Variants in UAP1L1 observed in about 807,000 individuals in gnomAD.
UAP1L1 encodes UDP-N-acetylhexosamine pyrophosphorylase-like protein 1.
Under a neutral mutation model 45.3 loss-of-function variants are expected in UAP1L1, and 45 were observed. The ratio of observed to expected loss-of-function variants is 0.99; its 90% CI spans 0.78 to 1.27. UAP1L1 has a LOEUF of 1.27. Among genes scored for constraint, UAP1L1 ranks in the 50% most tolerant of loss-of-function variants. The pLI, the probability that UAP1L1 is intolerant of heterozygous loss-of-function variation, is 0.00. For synonymous variants in UAP1L1, 323 were observed against 303.9 expected (o/e 1.06, Z -0.65); for missense variants, 667 against 694.0 (o/e 0.96, Z 0.44).
rs1832816465 is a variant in UAP1L1, at chr9:137,083,007, G to A, written c.*278G>A. The A allele has an allele frequency of 2.3e-6, 1 of 442,174 alleles. No individual in the cohort carries two copies. Among genetic ancestry groups the A allele is most frequent in the African/African-American group, 2.0e-5 (1 of 50,582 alleles). 27.4% of individuals were successfully genotyped at this position (442,174 alleles called of 1,614,324 possible). On this transcript the variant is annotated 3_prime_UTR_variant, in exon 9 of 9. Transcript: ENST00000409858. ...GCTCTGTGGCTCCATTCCTGGCTGT[G>A]GGGTCTAGTCAAGAGGCAGAGGGAC...
intron 2 of UAP1L1, 60 bp downstream of exon 2, chr9:137,078,314 C>T (rs1438411372): frequency 5.9e-6 from 9 of 1,514,312 alleles, no homozygotes; most frequent in Admixed American, 4.0e-5. Flanking sequence ...CCCCCACATC[C>T]CCGCTCCAGA....
chr9:137,079,627 A>G, intron 5 of UAP1L1, 178 bp downstream of exon 5: 1 of 628,042 alleles, frequency 1.6e-6, no homozygotes, highest in Non-Finnish European at 2.7e-6. Flanking sequence ...GCAAAGGCAG[A>G]GGTGCTGGAG....
chr9:137,078,302 C>T (rs750090491), intron 2 of UAP1L1, 48 bp downstream of exon 2: 31 of 1,510,308 alleles, frequency 2.1e-5, no homozygotes, highest in Non-Finnish European at 2.7e-5. Flanking sequence ...CTTCCCCACG[C>T]CCCCCCACAT....
In UAP1L1 at chr9:137,080,321, G is replaced by A. The variant is rs139104175; in HGVS notation, c.1178+179G>A. On this transcript the variant is annotated intron_variant, in intron 6 of 8. Coordinates refer to ENST00000409858, the MANE Select transcript of UAP1L1 (RefSeq NM_207309.3). ...TGAGGGTAAGCAGCCCCTGAGGTGG[G>A]GGCATAGGGAGTCCTTGGGGCTGTG... 2,173 of 744,528 alleles carry A rather than the reference G, an allele frequency of 2.9e-3. 25 individuals are homozygous for A. The Middle Eastern group carries it at 0.04, about 14-fold the overall frequency. 46.1% of individuals were successfully genotyped at this position (744,528 alleles called of 1,614,324 possible).
In UAP1L1 at chr9:137,082,873, G is replaced by A; in HGVS notation, c.*144G>A. The A allele has an allele frequency of 1.6e-6, 1 of 641,206 alleles. No individual in the cohort carries two copies. The highest frequency in any genetic ancestry group is 1.8e-5 in the South Asian group (1 of 56,214). The allele number at this position is 641,206 out of a possible 1,614,324, so 39.7% of individuals were successfully genotyped here. ...TGAGCTCTGGGTGGGAAAGCAGCCT[G>A]CCCCATGCTTCCAGCCTGCAGAACA... On this transcript the variant is annotated 3_prime_UTR_variant, in exon 9 of 9. Transcript: ENST00000409858. This position sits in a 1 kb window ranked among gnomAD's most constrained non-coding sequence, Gnocchi z 5.7.
Position 137,079,115 on chromosome 9 carries a change from C to G in UAP1L1, c.810C>G (p.Phe270Leu). The change falls in exon 4 of 9, where the codon TTC becomes TTG. Residue 270 changes from phenylalanine to leucine, a missense_variant. Physicochemically the swap from Phe to Leu is conservative, Grantham distance 22 (BLOSUM62 0). Transcript: ENST00000409858. ...TGGCGGACCCTGTCTTCATCGGCTT[C>G]TGTGTGTTGCAGGGCGCAGACTGTG... ...VRLADPVFIGFCVLQGADCGA... is the reference protein window; with the variant it reads ...VRLADPVFIGLCVLQGADCGA... The G allele has an allele frequency of 6.2e-7, 1 of 1,611,842 alleles. No homozygotes were observed. Among genetic ancestry groups the G allele is most frequent in the South Asian group, 1.1e-5 (1 of 90,954 alleles).
chr9:137,079,037 C>T lies in UAP1L1; in HGVS notation c.732C>T (p.Arg244=). Reference sequence around the variant, plus strand: ...ACAAGATCCTGGAGGACATGGAGCGCCGGGGAGTGGAGTTTGTGCACGTGT... The same window carrying T: ...ACAAGATCCTGGAGGACATGGAGCGTCGGGGAGTGGAGTTTGTGCACGTGT... ...EDHKILEDME[R]RGVEFVHVYC... is the part of the protein sequence containing the mutation. The change falls in exon 4 of 9, where the codon CGC becomes CGT. Residue 244 remains arginine (R), a synonymous_variant. Transcript: ENST00000409858. 1.2e-6 allele frequency: 2 copies of T among 1,607,382 alleles called. No individual in the cohort carries two copies. The highest frequency in any genetic ancestry group is 1.7e-6 in the Non-Finnish European group (2 of 1,178,320).
chr9:137,082,809 C>A lies in UAP1L1; in HGVS notation c.*80C>A. 1 of 1,241,718 alleles carries A rather than the reference C, an allele frequency of 8.1e-7. No homozygotes were observed. The highest frequency in any genetic ancestry group is 1.1e-6 in the Non-Finnish European group (1 of 884,526). The allele number at this position is 1,241,718 out of a possible 1,614,324, so 76.9% of individuals were successfully genotyped here. A position where few individuals can be genotyped will look rare whatever the true frequency, so the allele number is the denominator to read the frequency against. On this transcript the variant is annotated 3_prime_UTR_variant, in exon 9 of 9. Coordinates refer to ENST00000409858, the MANE Select transcript of UAP1L1 (RefSeq NM_207309.3). This position sits in a 1 kb window ranked among gnomAD's most constrained non-coding sequence, Gnocchi z 5.7. ...AAGTCCCGACTCCCCCCAGACCTGCCAGCCCCGGCGTCCTGGAGCTGGGGG... is the reference window on the plus strand; with the variant it reads ...AAGTCCCGACTCCCCCCAGACCTGCAAGCCCCGGCGTCCTGGAGCTGGGGG...
rs2131539067 is a variant in UAP1L1, at chr9:137,077,655, G to T, written c.123G>T (p.Leu41=). The part of the protein sequence containing the change: ...RAALLAELAL[L]EPEALREHCR... ...CGCTGCTGGCGGAGCTGGCGCTGCT[G>T]GAGCCCGAGGCGCTGCGCGAGCACT... Residue 41 remains leucine (L), a synonymous_variant, in exon 1 of 9, where the codon CTG becomes CTT. Coordinates refer to ENST00000409858, the MANE Select transcript of UAP1L1 (RefSeq NM_207309.3). The surrounding 1 kb of genome is among the most constrained non-coding windows in gnomAD (Gnocchi z 4.7). The T allele has an allele frequency of 1.6e-6, 2 of 1,271,770 alleles. No homozygotes were observed. The highest frequency in any genetic ancestry group is 1.8e-5 in the South Asian group (1 of 54,928). The allele number at this position is 1,271,770 out of a possible 1,614,324, so 78.8% of individuals were successfully genotyped here. A position where few individuals can be genotyped will look rare whatever the true frequency, so the allele number is the denominator to read the frequency against.
In UAP1L1 at chr9:137,083,876, A is replaced by G. The variant is rs372910066; in HGVS notation, c.*1147A>G. The G allele has an allele frequency of 5.9e-5, 9 of 152,044 alleles. No individual in the cohort carries two copies. Among genetic ancestry groups the G allele is most frequent in the East Asian group, 1.9e-4 (1 of 5,186 alleles). 9.4% of individuals were successfully genotyped at this position (152,044 alleles called of 1,614,324 possible). On this transcript the variant is annotated 3_prime_UTR_variant, in exon 9 of 9. Transcript: ENST00000409858. ...AGTCCCCAGTGGAGGGCCACTACTC[A>G]TCCCCATTGGTTTCCCAGGGGAGGG...
intron 5 of UAP1L1, 127 bp downstream of exon 5, chr9:137,079,576 G>C: frequency 1.1e-6 from 1 of 907,168 alleles, no homozygotes; most frequent in Non-Finnish European, 1.6e-6. Context: ...CTGTGGTCAG[G>C]CACGGCTGAT....
In UAP1L1 at chr9:137,080,150, G is replaced by T; in HGVS notation, c.1178+8G>T. ...TGTGTTCCGGTTTGCTAAGTTAGTAGTAGAACTCATTTATTTTCCCCTTCT... is the reference window on the plus strand; with the variant it reads ...TGTGTTCCGGTTTGCTAAGTTAGTATTAGAACTCATTTATTTTCCCCTTCT... On this transcript the variant is annotated splice_region_variant and intron_variant, in intron 6 of 8. Transcript: ENST00000409858. 1 of 1,613,714 alleles carries T rather than the reference G, an allele frequency of 6.2e-7. No homozygotes were observed. Among genetic ancestry groups the T allele is most frequent in the Non-Finnish European group, 8.5e-7 (1 of 1,179,688 alleles).
rs1157816862 is a variant in UAP1L1, at chr9:137,079,015, A to G, written c.710A>G (p.Lys237Arg). 1 of 1,602,764 alleles carries G rather than the reference A, an allele frequency of 6.2e-7. No homozygotes were observed. Residue 237 changes from lysine to arginine, a missense_variant, in exon 4 of 9, where the codon AAG becomes AGG. By Grantham distance (26) the Lys-to-Arg change is conservative (BLOSUM62 2). Transcript: ENST00000409858. ...CTCTACTGCGCGCTGGAGGACCACA[A>G]GATCCTGGAGGACATGGAGCGCCGG... ...GGLYCALEDH[K>R]ILEDMERRGV...
In UAP1L1 at chr9:137,077,993, C is replaced by A; in HGVS notation, c.290-57C>A. 1 of 1,538,428 alleles carries A rather than the reference C, an allele frequency of 6.5e-7. No homozygotes were observed. Among genetic ancestry groups the A allele is most frequent in the South Asian group, 1.2e-5 (1 of 83,904 alleles). On this transcript the variant is annotated intron_variant, in intron 1 of 8. Transcript: ENST00000409858. This position sits in a 1 kb window ranked among gnomAD's most constrained non-coding sequence, Gnocchi z 4.7. ...GCCCCAGCCCCAGAGTTGGTTTCCC[C>A]TAAAGCGGAAGGGTGGGCGGGTCCC...
rs1436262293 is a variant in UAP1L1, at chr9:137,082,059, G to A, written c.1426G>A (p.Gly476Arg). The change falls in exon 8 of 9, where the codon GGA becomes AGA. Residue 476 changes from glycine (G) to arginine (R), a missense_variant. Coordinates refer to ENST00000409858, the MANE Select transcript of UAP1L1 (RefSeq NM_207309.3). The surrounding 1 kb of genome is among the most constrained non-coding windows in gnomAD (Gnocchi z 5.7). Reference protein sequence around the residue: ...CEISPLVSYSGEGLEVYLQGR... With the variant: ...CEISPLVSYSREGLEVYLQGR... ...GATATCGCCCTTGGTGTCTTACTCT[G>A]GAGAGGTGAGAGCTGCCCATCCCTA... is the stretch of plus-strand genomic sequence containing the variant. 8 of 1,613,994 alleles carry A rather than the reference G, an allele frequency of 5.0e-6. No individual in the cohort carries two copies. Among genetic ancestry groups the A allele is most frequent in the Non-Finnish European group, 6.8e-6 (8 of 1,179,986 alleles).
rs754937225 is a variant in UAP1L1 at position 137,079,317 on chromosome 9, C to T, written c.905C>T (p.Pro302Leu). ...GTGGTGTGCCAGGTGGACGGTGTCC[C>T]CCAGGTGGTGGAGTACAGCGAGATC... ...VGVVCQVDGV[P>L]QVVEYSEISP... Residue 302 changes from proline (P) to leucine (L), a missense_variant, in exon 5 of 9, where the codon CCC becomes CTC. Physicochemically the swap from Pro to Leu is moderately conservative, Grantham distance 98. Coordinates refer to ENST00000409858, the MANE Select transcript of UAP1L1 (RefSeq NM_207309.3). The T allele has an allele frequency of 5.0e-6, 8 of 1,613,188 alleles. No homozygotes were observed. The South Asian group carries it at 7.7e-5, about 15-fold the overall frequency.
intron 2 of UAP1L1, 84 bp downstream of exon 2, chr9:137,078,338 C>A: frequency 6.5e-7 from 1 of 1,536,270 alleles, no homozygotes; most frequent in Non-Finnish European, 8.8e-7. Context: ...GAGCCCCAAC[C>A]CCGGCACAGA....
At position 137,081,936 on chromosome 9, in the gene UAP1L1, G is replaced by T. The variant is rs1832793141; in HGVS notation, c.1365-62G>T. On this transcript the variant is annotated intron_variant, in intron 7 of 8. Transcript: ENST00000409858. ...GCTCAGTCTCCTATCGGGACTGGGG[G>T]TGCTGGGGGAGGGCTCTGGGCAGGT... The T allele has an allele frequency of 2.1e-5, 32 of 1,519,664 alleles. No homozygotes were observed. The South Asian group carries it at 2.5e-4, about 12-fold the overall frequency. 94.1% of individuals were successfully genotyped at this position (1,519,664 alleles called of 1,614,324 possible).
Position 137,077,649 on chromosome 9 carries a change from G to T in UAP1L1, c.117G>T (p.Ala39=). Reference sequence around the variant, plus strand: ...GAGCCGCGCTGCTGGCGGAGCTGGCGCTGCTGGAGCCCGAGGCGCTGCGCG... The same window carrying T: ...GAGCCGCGCTGCTGGCGGAGCTGGCTCTGCTGGAGCCCGAGGCGCTGCGCG... ...EPRAALLAEL[A]LLEPEALREH... Residue 39 remains alanine (A), a synonymous_variant, in exon 1 of 9, where the codon GCG becomes GCT. Transcript: ENST00000409858. The surrounding 1 kb of genome is among the most constrained non-coding windows in gnomAD (Gnocchi z 4.7). 1 of 1,296,628 alleles carries T rather than the reference G, an allele frequency of 7.7e-7. No individual in the cohort carries two copies. 80.3% of individuals were successfully genotyped at this position (1,296,628 alleles called of 1,614,324 possible).
Sources: allele counts gnomAD v4.1 joint callset, GRCh38; gene constraint gnomAD v4.1.1; non-coding constraint Gnocchi (gnomAD v3.1); transcripts MANE v1.5; gene names NCBI Gene and HGNC (gene_info 2026-07-23, HGNC 2026-07-21).